Variants in CNOT1 observed in about 807,000 individuals in gnomAD.
CNOT1 encodes CCR4-associated factor 1.
In CNOT1, 15 loss-of-function variants were observed where a neutral mutation model predicts 273.8. The observed-to-expected ratio is 0.05, with a 90% CI of 0.04 to 0.08. The LOEUF is 0.08. CNOT1 is among the 10% of genes least tolerant of loss of function. The pLI is 1.00. For synonymous variants in CNOT1, 1,022 were observed against 1,005.5 expected, an observed-to-expected ratio of 1.02 and a Z score of -0.31; for missense variants, 1,644 against 2,912.2, an observed-to-expected ratio of 0.56 and a Z score of 10.02.
intron 2 of CNOT1, among the ~76,000 whole-genome samples, chr16:58,595,558 A>G (rs1167331008): frequency 6.6e-6 from 1 of 152,154 alleles, no homozygotes; most frequent in Non-Finnish European, 1.5e-5. Flanking sequence ...ACTAGAAACA[A>G]TTCATAGTCC....
At chr16:58,568,489 T>C (rs545217706) in intron 16 of CNOT1, among the ~76,000 whole-genome samples, 14 of 151,722 alleles carry the variant, frequency 9.2e-5, no homozygotes, top group Non-Finnish European at 1.6e-4. Context: ...ATCGAGACCA[T>C]CCTGGCCAAC....
At chr16:58,587,912 A>C in intron 3 of CNOT1, 34 bp from the exon 4 acceptor site, 2 of 1,582,594 alleles carry the variant, frequency 1.3e-6, no homozygotes, top group Non-Finnish European at 1.7e-6. Flanking sequence ...CATTAGCACT[A>C]ATCATCATCT....
chr16:58,608,815 C>T lies in CNOT1; in HGVS notation c.-174-9304G>A, dbSNP rs113190167. 2.8e-3 allele frequency among the ~76,000 whole-genome samples: 429 copies of T among 152,232 alleles called. 2 individuals carry two copies. Among genetic ancestry groups the T allele is most frequent in the African/African-American group, 9.7e-3 (402 of 41,540 alleles). ...AGGAATGAATTAATGGCATTCGCAG[C>T]GACCTGGATGAGACTAGAGACTATT... On this transcript the variant is annotated intron_variant, in intron 1 of 48. Coordinates refer to ENST00000317147, the MANE Select transcript of CNOT1 (RefSeq NM_016284.5).
intron 17 of CNOT1, among the ~76,000 whole-genome samples, chr16:58,559,070 CA>C (rs2151941149): frequency 6.6e-6 from 1 of 152,230 alleles, no homozygotes; most frequent in African/African-American, 2.4e-5. Context: ...TACACATAAC[CA>C]GAATGTAATT....
At chr16:58,571,748 C>A (rs567298530) in intron 16 of CNOT1, among the ~76,000 whole-genome samples, 1 of 151,974 alleles carries the variant, frequency 6.6e-6, no homozygotes, top group Admixed American at 6.6e-5. Context: ...GAGGCTGAGG[C>A]GAGTGGATCA....
chr16:58,554,241 G>T (rs1049404625), intron 21 of CNOT1, among the ~76,000 whole-genome samples: 1 of 151,554 alleles, frequency 6.6e-6, no homozygotes, highest in African/African-American at 2.4e-5. Context: ...ACGTAGTAAC[G>T]TAAGTCTCAA....
chr16:58,564,016 G>A (rs2040949470), intron 16 of CNOT1, among the ~76,000 whole-genome samples: 1 of 152,158 alleles, frequency 6.6e-6, no homozygotes, highest in Admixed American at 6.5e-5. Context: ...ATTCAATGGA[G>A]TATTATGCAG....
chr16:58,537,364 ATACT>A (rs2039958566), intron 38 of CNOT1, 144 bp from the exon 39 acceptor site: 1 of 1,255,286 alleles, frequency 8.0e-7, no homozygotes, highest in Non-Finnish European at 1.1e-6. Flanking sequence ...AAACAAAACT[ATACT>A]TAGTCTCTTA....
intron 1 of CNOT1, among the ~76,000 whole-genome samples, chr16:58,621,641 G>A (rs918199608): frequency 1.3e-5 from 2 of 150,984 alleles, no homozygotes; most frequent in African/African-American, 2.4e-5. Context: ...CACCATGGCC[G>A]GGCATGGTGG....
rs71385174 is a variant in CNOT1, at chr16:58,562,184, C to CAA, written c.1980-1824_1980-1823dup. On this transcript the variant is annotated intron_variant, in intron 16 of 48. Transcript: ENST00000317147. The stretch of plus-strand genomic sequence containing the variant: ...GGCAACAGAATGTGAGACTCCGTAT[C>CAA]AAAAAAAAAAAAAGAGGCTCTACAT... 8.2e-3 allele frequency among the ~76,000 whole-genome samples: 1,146 copies of CAA among 139,674 alleles called. 11 individuals are homozygous for CAA. Among genetic ancestry groups the CAA allele is most frequent in the African/African-American group, 0.024 (918 of 38,560 alleles). 91.6% of individuals were successfully genotyped at this position (139,674 alleles called of 152,430 possible).
At chr16:58,606,382 C>T (rs1028349113) in intron 1 of CNOT1, among the ~76,000 whole-genome samples, 5 of 82,160 alleles carry the variant, frequency 6.1e-5, no homozygotes, top group African/African-American at 1.8e-4. Flanking sequence ...CAGTGAGACC[C>T]CGTCCCTTAA....
At position 58,554,720 on chromosome 16, in the gene CNOT1, G is replaced by A. The variant is rs920434811; in HGVS notation, c.2891+531C>T. ...GGAGGCCGAGGTGGGTGGATCACCC[G>A]AGGTCAGGAGTTCAAGACCAGCCTG... is the stretch of plus-strand genomic sequence containing the variant. On this transcript the variant is annotated intron_variant, in intron 21 of 48. Coordinates refer to ENST00000317147, the MANE Select transcript of CNOT1 (RefSeq NM_016284.5). Among the ~76,000 whole-genome samples, 5 of 150,518 alleles carry A rather than the reference G, an allele frequency of 3.3e-5. No homozygotes were observed. The East Asian group carries it at 7.9e-4, about 24-fold the overall frequency.
chr16:58,604,239 C>A (rs1431067193), intron 1 of CNOT1, among the ~76,000 whole-genome samples: 2 of 152,098 alleles, frequency 1.3e-5, no homozygotes, highest in Non-Finnish European at 2.9e-5. Context: ...TATTTATAGG[C>A]CATTTTTAAA....
At chr16:58,620,525 C>T (rs2043267702) in intron 1 of CNOT1, among the ~76,000 whole-genome samples, 1 of 151,898 alleles carries the variant, frequency 6.6e-6, no homozygotes, top group Non-Finnish European at 1.5e-5. Flanking sequence ...CACCTGTAAT[C>T]CCAGCTACTC....
chr16:58,587,757 T>C, intron 4 of CNOT1, 23 bp downstream of exon 4: 3 of 1,610,730 alleles, frequency 1.9e-6, no homozygotes, highest in Non-Finnish European at 2.5e-6. Context: ...GATCACACTC[T>C]TAAAGATAAT....
At position 58,520,915 on chromosome 16, in the gene CNOT1, T is replaced by C; in HGVS notation, c.*43A>G. The C allele has an allele frequency of 6.3e-7, 1 of 1,581,544 alleles. No individual in the cohort carries two copies. The highest frequency in any genetic ancestry group is 2.2e-5 in the East Asian group (1 of 44,748). On this transcript the variant is annotated 3_prime_UTR_variant, in exon 49 of 49. Coordinates refer to ENST00000317147, the MANE Select transcript of CNOT1 (RefSeq NM_016284.5). ...CAGTCAGTTTATGAACTCGGTGCAG[T>C]GAGACCTCTAGACTGACACGTACAA...
At chr16:58,579,800 G>C (rs1050260286) in intron 12 of CNOT1, among the ~76,000 whole-genome samples, 2 of 152,150 alleles carry the variant, frequency 1.3e-5, no homozygotes, top group African/African-American at 4.8e-5. Flanking sequence ...CATTCACAGA[G>C]AGGAATGACG....
At chr16:58,549,628 A>G in intron 25 of CNOT1, 91 bp downstream of exon 25, 1 of 1,480,502 alleles carries the variant, frequency 6.8e-7, no homozygotes, top group Non-Finnish European at 8.9e-7. Context: ...TTGACAATAT[A>G]TATGGAAAAA....
rs573683841 is a variant in CNOT1, at chr16:58,596,683, T to C, written c.102+2553A>G. Among the ~76,000 whole-genome samples the C allele has an allele frequency of 3.5e-3, 524 of 151,618 alleles. 4 individuals carry two copies. Among genetic ancestry groups the C allele is most frequent in the South Asian group, 0.011 (53 of 4,774 alleles). The stretch of plus-strand genomic sequence containing the variant: ...CGGGCGGATCACAAGGTCAGGAGAT[T>C]GAGACCATCCTGGCTAACACGATGA... On this transcript the variant is annotated intron_variant, in intron 2 of 48. Transcript: ENST00000317147.
Sources: gnomAD v4.1 joint callset for allele counts (sites outside exome capture counted in the v4.1 genomes callset) on GRCh38, gnomAD v4.1.1 for gene constraint, MANE v1.5 for transcripts, NCBI Gene and HGNC (gene_info 2026-07-23, HGNC 2026-07-21) for gene names.